The following ARHGDIA variants were observed in gnomAD, a reference collection of about 807,000 sequenced individuals.
ARHGDIA encodes the protein Rho GDP dissociation inhibitor alpha.
Under a neutral mutation model 25.0 loss-of-function variants are expected in ARHGDIA, and 9 were observed. The observed-to-expected ratio is 0.36, with a 90% CI of 0.22 to 0.63. The LOEUF (loss-of-function observed/expected upper bound fraction) is 0.63. Among genes scored for constraint, ARHGDIA ranks in the 20% least tolerant of loss-of-function variants. ARHGDIA has a pLI of 0.69. For synonymous variants in ARHGDIA, 166 were observed against 111.5 expected (o/e 1.49, Z -3.08); for missense variants, 239 against 264.3 (o/e 0.90, Z 0.66).
chr17:81,868,044 C>T lies in ARHGDIA; in HGVS notation c.*832G>A, dbSNP rs537704632. ...TGAGTGAGGCTGTCCATCGAGGGCT[C>T]TTGGGGGGGTGTGGGCTCTGGGCAC... On this transcript the variant is annotated 3_prime_UTR_variant, in exon 6 of 6. Transcript: ENST00000269321. The T allele has an allele frequency of 1.9e-5, 5 of 256,900 alleles. No homozygotes were observed. In the South Asian group the frequency reaches 4.6e-4, roughly 23 times the overall value. 15.9% of individuals were successfully genotyped at this position (256,900 alleles called of 1,614,324 possible). A position where few individuals can be genotyped will look rare whatever the true frequency, so the allele number is the denominator to read the frequency against.
In ARHGDIA at chr17:81,868,833, C is replaced by T. The variant is rs202026197; in HGVS notation, c.*43G>A. The T allele has an allele frequency of 7.4e-6, 12 of 1,612,144 alleles. 1 individual carries two copies. Among genetic ancestry groups the T allele is most frequent in the Middle Eastern group, 1.7e-4 (1 of 6,058 alleles). On this transcript the variant is annotated 3_prime_UTR_variant, in exon 6 of 6. Transcript: ENST00000269321. The stretch of plus-strand genomic sequence containing the variant: ...GCTGGGGGGGACACATCCGCCTGTC[C>T]GTCGTCCGTCCGTCAGTCTGCCCTG...
At chr17:81,870,297 CTT>C in intron 1 of ARHGDIA, 2 of 265,386 alleles carry the variant, frequency 7.5e-6, no homozygotes, top group East Asian at 1.7e-4. Context: ...TAAACCCTCT[CTT>C]AGGGTCTTGC....
chr17:81,869,882 C>G lies in ARHGDIA; in HGVS notation c.49G>C (p.Glu17Gln). Residue 17 changes from glutamate to glutamine, a missense_variant, in exon 2 of 6, where the codon GAG becomes CAG. Physicochemically the swap from Glu to Gln is conservative, Grantham distance 29. Around this residue, in one of 3 missense-constraint regions of ARHGDIA, gnomAD observed 135 missense variants for 119.8 expected, o/e 1.13. Transcript: ENST00000269321. ...ACCGAGTGCTCATCCTCCTCGTTCTCCGCTGCAATCTGGGCCAGCTGCTCG... is the reference window on the plus strand; with the variant it reads ...ACCGAGTGCTCATCCTCCTCGTTCTGCGCTGCAATCTGGGCCAGCTGCTCG... ...TAEQLAQIAAENEEDEHSVNY... is the reference protein window; with the variant it reads ...TAEQLAQIAAQNEEDEHSVNY... 1 of 1,614,054 alleles carries G rather than the reference C, an allele frequency of 6.2e-7. No homozygotes were observed. The highest frequency in any genetic ancestry group is 1.1e-5 in the South Asian group (1 of 91,086).
intron 1 of ARHGDIA, among the ~76,000 whole-genome samples, 169 bp downstream of exon 1, chr17:81,871,129 C>G (rs937885622): frequency 6.9e-6 from 1 of 145,738 alleles, no homozygotes; most frequent in Non-Finnish European, 1.5e-5. Flanking sequence ...CGCCCTGGCC[C>G]GCTGTCACCG....
intron 2 of ARHGDIA, 33 bp downstream of exon 2, chr17:81,869,708 G>T (rs780635666): frequency 6.3e-7 from 1 of 1,594,214 alleles, no homozygotes; most frequent in Non-Finnish European, 8.5e-7. Context: ...GGAGTGAACG[G>T]GCGGCCACCC....
In ARHGDIA at chr17:81,869,600, C is replaced by G; in HGVS notation, c.216G>C (p.Val72=). Residue 72 remains valine (V), a synonymous_variant, in exon 3 of 6, where the codon GTG becomes GTC. Coordinates refer to ENST00000269321, the MANE Select transcript of ARHGDIA (RefSeq NM_004309.6). ...SADPNVPNVV[V]TGLTLVCSSA... Reference sequence around the variant, plus strand: ...AGCTGCACACCAGGGTCAGGCCAGTCACCACGACGTTGGGGACGTTGGGGT... The same window carrying G: ...AGCTGCACACCAGGGTCAGGCCAGTGACCACGACGTTGGGGACGTTGGGGT... 6.6e-7 allele frequency: 1 copy of G among 1,523,928 alleles called. No homozygotes were observed. The highest frequency in any genetic ancestry group is 2.2e-5 in the Admixed American group (1 of 45,582). The allele number at this position is 1,523,928 out of a possible 1,614,324, so 94.4% of individuals were successfully genotyped here. A position where few individuals can be genotyped will look rare whatever the true frequency, so the allele number is the denominator to read the frequency against.
At position 81,869,951 on chromosome 17, in the gene ARHGDIA, G is replaced by C; in HGVS notation, c.-21C>G. On this transcript the variant is annotated 5_prime_UTR_variant, in exon 2 of 6. Transcript: ENST00000269321. ...GCCATGCTCAAGCTTAGCCTGGGTC[G>C]GGACACCTGTGGGCGGGACGGTGAC... 1 of 1,610,876 alleles carries C rather than the reference G, an allele frequency of 6.2e-7. No individual in the cohort carries two copies. The highest frequency in any genetic ancestry group is 8.5e-7 in the Non-Finnish European group (1 of 1,179,804).
chr17:81,869,286 C>G (rs372484327), intron 4 of ARHGDIA, 44 bp downstream of exon 4: 1 of 1,614,118 alleles, frequency 6.2e-7, no homozygotes, highest in South Asian at 1.1e-5. Flanking sequence ...GACCCCAGCC[C>G]CAGCCCCGCC....
intron 1 of ARHGDIA, chr17:81,870,218 G>A: frequency 2.3e-6 from 1 of 442,152 alleles, no homozygotes; most frequent in Non-Finnish European, 4.1e-6. Flanking sequence ...CACGATGGAG[G>A]AGGCAGCAGC....
rs151190257 is a variant in ARHGDIA at position 81,868,455 on chromosome 17, C to G, written c.*421G>C. On this transcript the variant is annotated 3_prime_UTR_variant, in exon 6 of 6. Coordinates refer to ENST00000269321, the MANE Select transcript of ARHGDIA (RefSeq NM_004309.6). ...GAGGACGGCCCGGCCCCCACGAGGC[C>G]GTGCATCCCACACCCCAGCTCCACC... 6.7e-7 allele frequency: 1 copy of G among 1,496,238 alleles called. No individual in the cohort carries two copies. Among genetic ancestry groups the G allele is most frequent in the African/African-American group, 1.4e-5 (1 of 71,756 alleles). The allele number at this position is 1,496,238 out of a possible 1,614,324, so 92.7% of individuals were successfully genotyped here. A position where few individuals can be genotyped will look rare whatever the true frequency, so the allele number is the denominator to read the frequency against.
rs143149806 is a variant in ARHGDIA at position 81,868,385 on chromosome 17, G to A, written c.*491C>T. Reference sequence around the variant, plus strand: ...ACATGTTAAGGCATCATGGTTAGACGGGACCGACAGCGACAAGGGGGCTGG... The same window carrying A: ...ACATGTTAAGGCATCATGGTTAGACAGGACCGACAGCGACAAGGGGGCTGG... On this transcript the variant is annotated 3_prime_UTR_variant, in exon 6 of 6. Transcript: ENST00000269321. The A allele has an allele frequency of 3.9e-5, 57 of 1,443,900 alleles. No individual in the cohort carries two copies. Among genetic ancestry groups the A allele is most frequent in the Admixed American group, 1.4e-4 (5 of 35,896 alleles). The allele number at this position is 1,443,900 out of a possible 1,614,324, so 89.4% of individuals were successfully genotyped here.
chr17:81,870,264 G>A (rs1227811953), intron 1 of ARHGDIA: 1 of 338,814 alleles, frequency 3.0e-6, no homozygotes, highest in African/African-American at 2.1e-5. Context: ...GCAGGCCCCA[G>A]AATCAACCGG....
intron 1 of ARHGDIA, 126 bp from the exon 2 acceptor site, chr17:81,870,083 C>T: frequency 1.1e-6 from 1 of 906,152 alleles, no homozygotes; most frequent in South Asian, 1.7e-5. Context: ...CTCCTCTCCA[C>T]CCCCGCGATT....
chr17:81,869,969 A>G lies in ARHGDIA; in HGVS notation c.-27-12T>C. ...CTGGGTCGGGACACCTGTGGGCGGG[A>G]CGGTGACAGGCCTTGGACCTGGATC... On this transcript the variant is annotated splice_polypyrimidine_tract_variant and intron_variant, in intron 1 of 5. Coordinates refer to ENST00000269321, the MANE Select transcript of ARHGDIA (RefSeq NM_004309.6). 5 of 1,605,750 alleles carry G rather than the reference A, an allele frequency of 3.1e-6. No homozygotes were observed. The African/African-American group carries it at 4.0e-5, about 13-fold the overall frequency.
In ARHGDIA at chr17:81,868,287, G is replaced by T. The variant is rs1394026833; in HGVS notation, c.*589C>A. The T allele has an allele frequency of 2.2e-6, 3 of 1,335,986 alleles. No homozygotes were observed. Among genetic ancestry groups the T allele is most frequent in the Admixed American group, 3.1e-5 (1 of 32,322 alleles). 82.8% of individuals were successfully genotyped at this position (1,335,986 alleles called of 1,614,324 possible). A position where few individuals can be genotyped will look rare whatever the true frequency, so the allele number is the denominator to read the frequency against. ...CTGGGTCACTGGGTTCGCCACCGGG[G>T]AAGGGACGGGGAGGCCACATGCTCA... On this transcript the variant is annotated 3_prime_UTR_variant, in exon 6 of 6. Coordinates refer to ENST00000269321, the MANE Select transcript of ARHGDIA (RefSeq NM_004309.6).
At chr17:81,871,157 AC>A (rs1335766784) in intron 1 of ARHGDIA, 140 bp downstream of exon 1, 1 of 135,418 alleles carries the variant, frequency 7.4e-6, no homozygotes, top group South Asian at 2.0e-4. Context: ...GCCCGCCGAG[AC>A]CCTGCCGCGG....
chr17:81,869,598 G>A lies in ARHGDIA; in HGVS notation c.218C>T (p.Thr73Ile). The A allele has an allele frequency of 6.6e-7, 1 of 1,526,048 alleles. No homozygotes were observed. The highest frequency in any genetic ancestry group is 8.8e-7 in the Non-Finnish European group (1 of 1,139,208). 94.5% of individuals were successfully genotyped at this position (1,526,048 alleles called of 1,614,324 possible). ...CGAGCTGCACACCAGGGTCAGGCCA[G>A]TCACCACGACGTTGGGGACGTTGGG... ...ADPNVPNVVV[T>I]GLTLVCSSAP... The change falls in exon 3 of 6, where the codon ACT becomes ATT. Residue 73 changes from threonine to isoleucine, a missense_variant. By Grantham distance (89) the Thr-to-Ile change is moderately conservative. Transcript: ENST00000269321.
Position 81,869,841 on chromosome 17 carries a change from C to T in ARHGDIA, c.90G>A (p.Pro30=). 6 of 1,614,134 alleles carry T rather than the reference C, an allele frequency of 3.7e-6. No homozygotes were observed. Among genetic ancestry groups the T allele is most frequent in the Non-Finnish European group, 5.1e-6 (6 of 1,180,020 alleles). Reference sequence around the variant, plus strand: ...GGATCTCCTGGATGCTCTTCTGGGCCGGGGGCTTGTAGTTGACCGAGTGCT... The same window carrying T: ...GGATCTCCTGGATGCTCTTCTGGGCTGGGGGCTTGTAGTTGACCGAGTGCT... ...EDEHSVNYKP[P]AQKSIQEIQE... is the part of the protein sequence containing the mutation. Residue 30 remains proline (P), a synonymous_variant, in exon 2 of 6, where the codon CCG becomes CCA. Transcript: ENST00000269321.
At position 81,870,108 on chromosome 17, in the gene ARHGDIA, TC is replaced by T. The variant is rs2039242751; in HGVS notation, c.-27-152del. On this transcript the variant is annotated intron_variant, in intron 1 of 5. Coordinates refer to ENST00000269321, the MANE Select transcript of ARHGDIA (RefSeq NM_004309.6). Reference sequence around the variant, plus strand: ...CCCCCGCGATTCCTGCTCAGGGGCATCCTCTGGGGCAGTGTGAGGTGCCCCC... The same window carrying T: ...CCCCCGCGATTCCTGCTCAGGGGCATCTCTGGGGCAGTGTGAGGTGCCCCC... The T allele has an allele frequency of 9.6e-6, 7 of 731,534 alleles. No individual in the cohort carries two copies. The East Asian group carries it at 1.9e-4, about 20-fold the overall frequency. The allele number at this position is 731,534 out of a possible 1,614,324, so 45.3% of individuals were successfully genotyped here.
Sources: gnomAD v4.1 joint callset for allele counts (sites outside exome capture counted in the v4.1 genomes callset) on GRCh38, gnomAD v4.1.1 for gene constraint, gnomAD v4.1.1 regional missense constraint, MANE v1.5 for transcripts, NCBI Gene and HGNC (gene_info 2026-07-23, HGNC 2026-07-21) for gene names.